Variants in ELAPOR2 observed in about 807,000 individuals in gnomAD.
The protein encoded by ELAPOR2 is endosome-lysosome associated apoptosis and autophagy regulator family member 2.
Under a neutral mutation model 120.7 loss-of-function variants are expected in ELAPOR2, and 89 were observed. The ratio of observed to expected loss-of-function variants is 0.74; its 90% confidence interval spans 0.62 to 0.88. The LOEUF is 0.88. Ranked by LOEUF, ELAPOR2 falls within the 40% of genes least tolerant of loss-of-function variation. The probability of loss-of-function intolerance (pLI) is 0.00; values close to 1 mark genes in which losing one functional copy is unlikely to be tolerated. For synonymous variants in ELAPOR2, 444 were observed against 444.9 expected, an observed-to-expected ratio of 1.00 and a Z score of 0.03; for missense variants, 1,134 against 1,251.6, an observed-to-expected ratio of 0.91 and a Z score of 1.42.
chr7:87,024,306 C>A (rs1172832538), intron 1 of ELAPOR2, among the ~76,000 whole-genome samples: 6 of 152,146 alleles, frequency 3.9e-5, no homozygotes, highest in African/African-American at 1.4e-4. Flanking sequence ...GCCTTTTCTG[C>A]ATCTATTGAG....
intron 17 of ELAPOR2, 49 bp downstream of exon 17, chr7:86,908,396 TAA>T (rs993857584): frequency 2.2e-6 from 2 of 924,382 alleles, no homozygotes; most frequent in Non-Finnish European, 3.4e-6. Context: ...TCCATATATA[TAA>T]GTTTCTTTTG....
At chr7:86,900,274 A>C (rs893391359) in intron 18 of ELAPOR2, among the ~76,000 whole-genome samples, 17 of 152,174 alleles carry the variant, frequency 1.1e-4, no homozygotes, top group African/African-American at 4.1e-4. Flanking sequence ...AAAACTTCTA[A>C]AGAAAAGATC....
At chr7:86,953,661 GTT>G (rs1791358723) in intron 2 of ELAPOR2, among the ~76,000 whole-genome samples, 1 of 152,252 alleles carries the variant, frequency 6.6e-6, no homozygotes, top group East Asian at 1.9e-4. Flanking sequence ...GTTGTTAGCT[GTT>G]TTGAACATGA....
At chr7:87,001,647 T>C (rs927141888) in intron 1 of ELAPOR2, among the ~76,000 whole-genome samples, 6 of 152,120 alleles carry the variant, frequency 3.9e-5, no homozygotes, top group South Asian at 4.1e-4. Flanking sequence ...TGTTGTGCTA[T>C]TGGAGCCACA....
intron 1 of ELAPOR2, among the ~76,000 whole-genome samples, chr7:87,004,149 A>G (rs1433823640): frequency 6.6e-6 from 1 of 152,208 alleles, no homozygotes; most frequent in Non-Finnish European, 1.5e-5. Flanking sequence ...GGCCTGCAGG[A>G]GCCGAGAAGA....
chr7:86,996,446 CA>C (rs1793126991), intron 1 of ELAPOR2, among the ~76,000 whole-genome samples: 2 of 152,174 alleles, frequency 1.3e-5, no homozygotes, highest in Non-Finnish European at 1.5e-5. Context: ...ATTTGAGGAA[CA>C]AAATGGCAGC....
intron 1 of ELAPOR2, among the ~76,000 whole-genome samples, chr7:87,049,109 G>C (rs1795030893): frequency 6.6e-6 from 1 of 152,072 alleles, no homozygotes; most frequent in Non-Finnish European, 1.5e-5. Flanking sequence ...ATGTGCTAGG[G>C]ATATAGTAGT....
intron 1 of ELAPOR2, among the ~76,000 whole-genome samples, chr7:86,993,348 A>T (rs1461632975): frequency 6.6e-6 from 1 of 152,174 alleles, no homozygotes; most frequent in Non-Finnish European, 1.5e-5. Context: ...TCCTGCAGTA[A>T]TCACATACCA....
At chr7:86,971,477 A>T (rs1792106634) in intron 1 of ELAPOR2, among the ~76,000 whole-genome samples, 2 of 152,220 alleles carry the variant, frequency 1.3e-5, no homozygotes, top group South Asian at 4.1e-4. Flanking sequence ...GATAATGAGG[A>T]AAATGTTTTT....
intron 18 of ELAPOR2, among the ~76,000 whole-genome samples, chr7:86,904,968 G>T (rs1788902231): frequency 6.6e-6 from 1 of 151,878 alleles, no homozygotes; most frequent in African/African-American, 2.4e-5. Context: ...CAAGGCAAGT[G>T]TCTGGTTAGC....
In ELAPOR2 at chr7:86,938,173, T is replaced by C; in HGVS notation, c.1042A>G (p.Thr348Ala). The C allele has an allele frequency of 6.4e-7, 1 of 1,552,408 alleles. No individual in the cohort carries two copies. Among genetic ancestry groups the C allele is most frequent in the Non-Finnish European group, 8.7e-7 (1 of 1,146,672 alleles). ...GTATGGATCTGGAAATAGTCTTTTG[T>C]GGTACAGGGAGGGCGCTCTGTACAC... Reference protein sequence around the residue: ...SECTERPPCTTKDYFQIHTPC... With the variant: ...SECTERPPCTAKDYFQIHTPC... The change falls in exon 8 of 22, where the codon ACA becomes GCA. Residue 348 changes from threonine (T) to alanine (A), a missense_variant. Coordinates refer to ENST00000450689, the MANE Select transcript of ELAPOR2 (RefSeq NM_001142749.3).
intron 1 of ELAPOR2, among the ~76,000 whole-genome samples, chr7:87,017,186 T>G (rs910187761): frequency 1.3e-5 from 2 of 152,180 alleles, no homozygotes; most frequent in Non-Finnish European, 2.9e-5. Flanking sequence ...TCCAAAAACT[T>G]GTAAGATTCA....
At chr7:87,020,024 TA>T (rs1168067078) in intron 1 of ELAPOR2, among the ~76,000 whole-genome samples, 1 of 152,176 alleles carries the variant, frequency 6.6e-6, no homozygotes, top group Non-Finnish European at 1.5e-5. Context: ...GTTATACCAA[TA>T]TTTTCTTATA....
chr7:86,923,337 C>A (rs1789911161), intron 10 of ELAPOR2, among the ~76,000 whole-genome samples: 1 of 151,844 alleles, frequency 6.6e-6, no homozygotes, highest in Non-Finnish European at 1.5e-5. Flanking sequence ...TATCCCATTA[C>A]CCTTATTTGA....
intron 1 of ELAPOR2, chr7:86,965,749 G>A: frequency 3.6e-6 from 3 of 842,490 alleles, no homozygotes; most frequent in Non-Finnish European, 4.3e-6. Context: ...AAATATTATT[G>A]GAGCATTTTA....
chr7:86,991,297 C>T (rs1374869926), intron 1 of ELAPOR2, among the ~76,000 whole-genome samples: 2 of 152,052 alleles, frequency 1.3e-5, no homozygotes, highest in Admixed American at 6.6e-5. Context: ...CAAGCATATC[C>T]ATGTTATTTA....
chr7:86,993,435 A>G (rs563686621), intron 1 of ELAPOR2, among the ~76,000 whole-genome samples: 1 of 152,240 alleles, frequency 6.6e-6, no homozygotes, highest in African/African-American at 2.4e-5. Flanking sequence ...GGAATCAAAG[A>G]GATGAGTTAT....
rs539945276 is a variant in ELAPOR2 at position 86,914,710 on chromosome 7, G to T, written c.1731+13C>A. On this transcript the variant is annotated intron_variant, in intron 13 of 21. Transcript: ENST00000450689. ...TGTGTTTAAAATTTTAAAAAAAAGT[G>T]CTTGGAACTTACATCTTGACCCTGA... The T allele has an allele frequency of 6.9e-6, 11 of 1,595,056 alleles. No individual in the cohort carries two copies. Among genetic ancestry groups the T allele is most frequent in the Non-Finnish European group, 8.5e-7 (1 of 1,173,044 alleles).
At chr7:86,883,023 GGT>G (rs55859925) in intron 21 of ELAPOR2, among the ~76,000 whole-genome samples, 6,744 of 141,256 alleles carry the variant, frequency 0.048, 217 homozygotes, top group East Asian at 0.13. Context: ...GTTTGAAAGG[GGT>G]GTGTGTGTGT....
Sources: allele counts gnomAD v4.1 joint callset (sites outside exome capture counted in the v4.1 genomes callset), GRCh38; gene constraint gnomAD v4.1.1; transcripts MANE v1.5; gene names NCBI Gene and HGNC (gene_info 2026-07-23, HGNC 2026-07-21).